Variants in MTUS2 observed in about 807,000 individuals in gnomAD.
MTUS2 encodes the protein microtubule associated scaffold protein 2.
A neutral mutation model predicts 114.1 loss-of-function variants in MTUS2; 40 were observed. The observed-to-expected ratio is 0.35, with a 90% CI of 0.27 to 0.46. The LOEUF is 0.46. Among genes scored for constraint, MTUS2 ranks in the 20% least tolerant of loss-of-function variants. The pLI is 1.00. For missense variants in MTUS2, 1,679 were observed against 1,705.4 expected (o/e 0.98, Z 0.27); for synonymous variants, 688 against 672.0 (o/e 1.02, Z -0.37).
intron 4 of MTUS2, among the ~76,000 whole-genome samples, chr13:29,087,900 C>T (rs1481509558): frequency 1.3e-5 from 2 of 151,838 alleles, no homozygotes; most frequent in Admixed American, 1.3e-4. Context: ...TTTCTAAAAA[C>T]ACAAAAAAAT....
At chr13:29,322,456 C>T (rs909053952) in intron 6 of MTUS2, among the ~76,000 whole-genome samples, 8 of 152,148 alleles carry the variant, frequency 5.3e-5, no homozygotes, top group Non-Finnish European at 1.0e-4. Context: ...CTGGGCAGAC[C>T]TCCTGGAAAG....
At chr13:29,298,267 A>G (rs1899035194) in intron 6 of MTUS2, among the ~76,000 whole-genome samples, 1 of 152,224 alleles carries the variant, frequency 6.6e-6, no homozygotes, top group African/African-American at 2.4e-5. Flanking sequence ...TTGTATAAAA[A>G]ATGAGTAACT....
At chr13:29,426,289 C>A (rs893879993) in intron 8 of MTUS2, among the ~76,000 whole-genome samples, 1 of 152,354 alleles carries the variant, frequency 6.6e-6, no homozygotes, top group South Asian at 2.1e-4. Context: ...CCTCAACTTA[C>A]AACAGGGTTA....
At chr13:29,360,069 G>A (rs1870095978) in intron 8 of MTUS2, among the ~76,000 whole-genome samples, 6 of 152,188 alleles carry the variant, frequency 3.9e-5, no homozygotes. Flanking sequence ...TACTGAATCT[G>A]TTATTAACCA....
At position 29,375,609 on chromosome 13, in the gene MTUS2, G is replaced by GTA. The variant is rs1337877350; in HGVS notation, c.3117+16165_3117+16166dup. Among the ~76,000 whole-genome samples, 15 of 3,300 alleles carry GTA rather than the reference G, an allele frequency of 4.5e-3. 1 individual carries two copies. Among genetic ancestry groups the GTA allele is most frequent in the African/African-American group, 0.012 (13 of 1,068 alleles). 2.2% of individuals were successfully genotyped at this position (3,300 alleles called of 152,430 possible). A position where few individuals can be genotyped will look rare whatever the true frequency, so the allele number is the denominator to read the frequency against. On this transcript the variant is annotated intron_variant, in intron 8 of 15. Coordinates refer to ENST00000612955, the MANE Select transcript of MTUS2 (RefSeq NM_001033602.4). ...TATACGTATATATATATATATATAC[G>GTA]TATATATATATATATATATATATAT...
intron 1 of MTUS2, among the ~76,000 whole-genome samples, chr13:28,834,280 C>T (rs1226372068): frequency 6.6e-6 from 1 of 152,100 alleles, no homozygotes; most frequent in Non-Finnish European, 1.5e-5. Context: ...CAAAACTTAA[C>T]ACAAAACTAC....
intron 5 of MTUS2, among the ~76,000 whole-genome samples, chr13:29,174,302 C>G (rs1218301993): frequency 6.6e-6 from 1 of 152,074 alleles, no homozygotes; most frequent in Non-Finnish European, 1.5e-5. Flanking sequence ...ATTTCCTGAC[C>G]ACAAAAGAAG....
intron 5 of MTUS2, among the ~76,000 whole-genome samples, chr13:29,240,994 C>G (rs571248784): frequency 6.6e-6 from 1 of 152,244 alleles, no homozygotes; most frequent in East Asian, 1.9e-4. Context: ...TTATCAGCTT[C>G]TTTAATGACA....
chr13:29,304,821 A>G (rs1459254880), intron 6 of MTUS2, among the ~76,000 whole-genome samples: 1 of 152,126 alleles, frequency 6.6e-6, no homozygotes, highest in Non-Finnish European at 1.5e-5. Flanking sequence ...CCACTCAAAA[A>G]CAACAGAATA....
intron 7 of MTUS2, among the ~76,000 whole-genome samples, chr13:29,353,512 A>G (rs1346713518): frequency 1.6e-4 from 24 of 151,850 alleles, no homozygotes; most frequent in Non-Finnish European, 4.4e-5. Flanking sequence ...TGTTGCCCAG[A>G]TTGGTCTCTA....
chr13:29,393,784 C>T (rs1873698027), intron 8 of MTUS2, among the ~76,000 whole-genome samples: 2 of 152,094 alleles, frequency 1.3e-5, no homozygotes, highest in South Asian at 4.1e-4. Context: ...GAGACATGAG[C>T]CATCAATCAA....
At chr13:29,390,161 C>G (rs1216623952) in intron 8 of MTUS2, among the ~76,000 whole-genome samples, 1 of 91,072 alleles carries the variant, frequency 1.1e-5, no homozygotes, top group Non-Finnish European at 2.7e-5. Context: ...CACACACACA[C>G]TTGTGTGTGT....
intron 2 of MTUS2, among the ~76,000 whole-genome samples, chr13:28,969,799 G>A (rs1211159452): frequency 6.6e-6 from 1 of 151,856 alleles, no homozygotes; most frequent in Non-Finnish European, 1.5e-5. Flanking sequence ...CACTGCGCCC[G>A]GCTGAAGTTT....
At chr13:29,124,070 A>G (rs372853206) in intron 5 of MTUS2, among the ~76,000 whole-genome samples, 7 of 152,160 alleles carry the variant, frequency 4.6e-5, no homozygotes, top group African/African-American at 1.7e-4. Context: ...GGCATTCAGG[A>G]TTTTTCTCAG....
chr13:28,897,942 C>T (rs1390841166), intron 2 of MTUS2, among the ~76,000 whole-genome samples: 1 of 151,486 alleles, frequency 6.6e-6, no homozygotes, highest in East Asian at 1.9e-4. Context: ...GGAGATATAC[C>T]TAATGTTAAA....
At chr13:28,866,150 GT>G (rs1877284155) in intron 2 of MTUS2, among the ~76,000 whole-genome samples, 1 of 152,172 alleles carries the variant, frequency 6.6e-6, no homozygotes, top group African/African-American at 2.4e-5. Context: ...GCGAGAAGGT[GT>G]TTGCTCTATG....
chr13:28,993,959 T>TGTTACATATGTATACACGTGCCATGTTG (rs1884973021), intron 2 of MTUS2, among the ~76,000 whole-genome samples: 1 of 152,146 alleles, frequency 6.6e-6, no homozygotes, highest in African/African-American at 2.4e-5. Flanking sequence ...CGTGCAGGTT[T>TGTTACATATGTATACACGTGCCATGTTG]GTTACATATG....
At chr13:28,870,408 A>G (rs531405914) in intron 2 of MTUS2, among the ~76,000 whole-genome samples, 1 of 152,272 alleles carries the variant, frequency 6.6e-6, no homozygotes, top group South Asian at 2.1e-4. Flanking sequence ...ATGACAGAGT[A>G]TGGGAGGGGG....
chr13:29,307,373 G>C (rs1456782381), intron 6 of MTUS2: 1 of 817,816 alleles, frequency 1.2e-6, no homozygotes, highest in African/African-American at 1.7e-5. Flanking sequence ...TGGTGTGATA[G>C]CCATGGGGCT....
Sources: allele counts gnomAD v4.1 joint callset (sites outside exome capture counted in the v4.1 genomes callset), GRCh38; gene constraint gnomAD v4.1.1; transcripts MANE v1.5; gene names NCBI Gene and HGNC (gene_info 2026-07-23, HGNC 2026-07-21).